Variants in GRM8 observed in about 807,000 individuals in gnomAD.
The protein encoded by GRM8 is metabotropic glutamate receptor 8.
In GRM8, 47 loss-of-function variants were observed where a neutral mutation model predicts 87.2. That is an observed-to-expected ratio of 0.54 (90% CI 0.43 to 0.69). GRM8 has a LOEUF of 0.69. Among genes scored for constraint, GRM8 ranks in the 30% least tolerant of loss-of-function variants. The pLI, the probability that GRM8 is intolerant of heterozygous loss-of-function variation, is 0.00. For synonymous variants in GRM8, 396 were observed against 404.5 expected, an observed-to-expected ratio of 0.98 and a Z score of 0.25; for missense variants, 1,019 against 1,139.2, an observed-to-expected ratio of 0.89 and a Z score of 1.52.
At chr7:126,795,268 G>A (rs1466422054) in intron 6 of GRM8, among the ~76,000 whole-genome samples, 6 of 152,056 alleles carry the variant, frequency 3.9e-5, no homozygotes, top group Middle Eastern at 3.2e-3. Flanking sequence ...GGCATTAGGC[G>A]CAGAGTTGAA....
At chr7:127,143,789 G>T (rs925179908) in intron 2 of GRM8, among the ~76,000 whole-genome samples, 1 of 152,016 alleles carries the variant, frequency 6.6e-6, no homozygotes, top group Non-Finnish European at 1.5e-5. Flanking sequence ...GCTTCCCCTT[G>T]TTTGCTTTTA....
chr7:126,629,754 T>C (rs1215131297), intron 7 of GRM8, among the ~76,000 whole-genome samples: 2 of 152,158 alleles, frequency 1.3e-5, no homozygotes, highest in Non-Finnish European at 2.9e-5. Flanking sequence ...CTGTGATAGA[T>C]GTGAATTGTC....
chr7:126,458,965 A>C (rs1803573474), intron 9 of GRM8, among the ~76,000 whole-genome samples: 1 of 151,068 alleles, frequency 6.6e-6, no homozygotes, highest in African/African-American at 2.4e-5. Context: ...CTTAGGATGC[A>C]GGAAATCTCA....
Position 126,533,638 on chromosome 7 carries a change from G to A in GRM8, c.1744C>T (p.Pro582Ser), listed in dbSNP as rs776841029. 32 of 1,613,956 alleles carry A rather than the reference G, an allele frequency of 2.0e-5. No homozygotes were observed. The highest frequency in any genetic ancestry group is 3.3e-4 in the Middle Eastern group (2 of 6,082). The change falls in exon 9 of 11, where the codon CCC becomes TCC. Residue 582 changes from proline to serine, a missense_variant. By Grantham distance (74) the Pro-to-Ser change is moderately conservative. Transcript: ENST00000339582. ...ACAAACACAGGCACCACAGCCCAGG[G>A]AGAATGCCACTCCAATTTGATGATG... Reference protein sequence around the residue: ...IPIIKLEWHSPWAVVPVFVAI... With the variant: ...IPIIKLEWHSSWAVVPVFVAI...
chr7:126,688,180 C>T (rs540682724), intron 7 of GRM8, among the ~76,000 whole-genome samples: 3 of 152,026 alleles, frequency 2.0e-5, no homozygotes, highest in East Asian at 1.9e-4. Context: ...CTCTCATATA[C>T]GTATGTTCAG....
chr7:126,922,037 A>G (rs990327454), intron 3 of GRM8, among the ~76,000 whole-genome samples: 2 of 152,174 alleles, frequency 1.3e-5, no homozygotes, highest in Admixed American at 1.3e-4. Flanking sequence ...CTCCAAGAAG[A>G]AAAGAAACTG....
At chr7:126,890,255 G>A (rs1038595512) in intron 6 of GRM8, among the ~76,000 whole-genome samples, 14 of 152,164 alleles carry the variant, frequency 9.2e-5, no homozygotes, top group Non-Finnish European at 1.9e-4. Flanking sequence ...TGTTAAATCA[G>A]TAAGCAACAG....
chr7:127,073,604 G>T (rs1821949907), intron 3 of GRM8, among the ~76,000 whole-genome samples: 1 of 152,104 alleles, frequency 6.6e-6, no homozygotes, highest in South Asian at 2.1e-4. Flanking sequence ...TCCACAGGCT[G>T]ATTGGCTTGG....
intron 8 of GRM8, among the ~76,000 whole-genome samples, chr7:126,577,842 T>C (rs1359236770): frequency 1.3e-5 from 2 of 152,128 alleles, no homozygotes; most frequent in South Asian, 2.1e-4. Flanking sequence ...TCGCCTCTTT[T>C]AATGTGTATC....
At chr7:126,983,491 C>A (rs1404107552) in intron 3 of GRM8, among the ~76,000 whole-genome samples, 3 of 151,772 alleles carry the variant, frequency 2.0e-5, no homozygotes, top group African/African-American at 7.3e-5. Context: ...GGAAGTGGCA[C>A]CTCTTATTAT....
chr7:126,619,217 C>G (rs1383771641), intron 7 of GRM8, among the ~76,000 whole-genome samples: 1 of 152,148 alleles, frequency 6.6e-6, no homozygotes, highest in Non-Finnish European at 1.5e-5. Context: ...AGTTCATGTC[C>G]TTTGTAGGGA....
chr7:127,019,361 G>A (rs1268738170), intron 3 of GRM8, among the ~76,000 whole-genome samples: 1 of 152,018 alleles, frequency 6.6e-6, no homozygotes, highest in African/African-American at 2.4e-5. Flanking sequence ...AGAAGGTAAT[G>A]GGAGTGTTGT....
At chr7:126,635,863 A>C (rs1205675598) in intron 7 of GRM8, among the ~76,000 whole-genome samples, 1 of 152,162 alleles carries the variant, frequency 6.6e-6, no homozygotes, top group Non-Finnish European at 1.5e-5. Flanking sequence ...TAATAAATTT[A>C]CCACTTTATT....
At chr7:126,945,713 A>AT (rs1807464638) in intron 3 of GRM8, among the ~76,000 whole-genome samples, 1 of 152,234 alleles carries the variant, frequency 6.6e-6, no homozygotes, top group Non-Finnish European at 1.5e-5. Flanking sequence ...GGTCCCAGGC[A>AT]TTTCAGATAA....
intron 3 of GRM8, among the ~76,000 whole-genome samples, chr7:126,908,548 T>G (rs1295360671): frequency 6.6e-6 from 1 of 152,232 alleles, no homozygotes; most frequent in African/African-American, 2.4e-5. Flanking sequence ...ATTCTGAGAC[T>G]GACTCTGTAG....
At chr7:126,453,180 C>G (rs139963459) in intron 9 of GRM8, among the ~76,000 whole-genome samples, 1 of 151,668 alleles carries the variant, frequency 6.6e-6, no homozygotes, top group East Asian at 2.0e-4. Context: ...AGAGTCACCA[C>G]AGCAAAGAAT....
chr7:126,964,884 C>T (rs1809684658), intron 3 of GRM8, among the ~76,000 whole-genome samples: 1 of 152,120 alleles, frequency 6.6e-6, no homozygotes, highest in African/African-American at 2.4e-5. Flanking sequence ...GCACTATTCC[C>T]AATAGCAAAG....
intron 3 of GRM8, among the ~76,000 whole-genome samples, chr7:127,092,511 C>T (rs111383907): frequency 0.018 from 2,772 of 152,194 alleles, 93 homozygotes; most frequent in African/African-American, 0.063. Flanking sequence ...GCCTGGGTAA[C>T]GTGGTGAAAT....
intron 8 of GRM8, 30 bp from the exon 9 acceptor site, chr7:126,533,917 C>G (rs182847802): frequency 6.7e-7 from 1 of 1,501,660 alleles, no homozygotes; most frequent in Admixed American, 1.8e-5. Flanking sequence ...ATGAGCCTTC[C>G]ATTTTTCCCC....
Sources: allele counts gnomAD v4.1 joint callset (sites outside exome capture counted in the v4.1 genomes callset), GRCh38; gene constraint gnomAD v4.1.1; transcripts MANE v1.5; gene names NCBI Gene and HGNC (gene_info 2026-07-23, HGNC 2026-07-21).